Variants in USP6 observed in about 807,000 individuals in gnomAD.
USP6 encodes the protein ubiquitin carboxyl-terminal hydrolase 6.
A neutral mutation model predicts 175.7 loss-of-function variants in USP6; 128 were observed. The ratio of observed to expected loss-of-function variants is 0.73; its 90% CI spans 0.63 to 0.84. USP6 has a LOEUF of 0.84. Among genes scored for constraint, USP6 ranks in the 40% least tolerant of loss-of-function variants. The pLI is 0.00. For synonymous variants in USP6, 562 were observed against 630.6 expected (o/e 0.89, Z 1.63); for missense variants, 1,498 against 1,760.3 (o/e 0.85, Z 2.67).
chr17:5,168,721 T>G, intron 34 of USP6, 46 bp from the exon 35 acceptor site: 1 of 1,502,338 alleles, frequency 6.7e-7, no homozygotes, highest in Non-Finnish European at 8.9e-7. Context: ...AAATTTTGTA[T>G]CTTCAGAACC....
rs1267271434 is a variant in USP6, at chr17:5,141,483, A to T, written c.1557A>T (p.Lys519Asn). ...EEMSFTANSS[K>N]IDRQKVPTEK... ...TGTCTTTTACAGCAAATAGTAGTAA[A>T]ATAGATAGACAAAAGGGTAAGTCTC... Residue 519 changes from lysine (K) to asparagine (N), a missense_variant, in exon 23 of 38, where the codon AAA becomes AAT. Around this residue, in one of 2 missense-constraint regions of USP6, gnomAD observed 1,217 missense variants for 1,500.8 expected, o/e 0.81. Coordinates refer to ENST00000574788, the MANE Select transcript of USP6 (RefSeq NM_001304284.2). The T allele has an allele frequency of 6.2e-7, 1 of 1,605,322 alleles. No homozygotes were observed. Among genetic ancestry groups the T allele is most frequent in the African/African-American group, 1.3e-5 (1 of 74,558 alleles).
chr17:5,137,681 G>A lies in USP6; in HGVS notation c.856G>A (p.Asp286Asn). The A allele has an allele frequency of 6.2e-7, 1 of 1,607,972 alleles. No homozygotes were observed. The highest frequency in any genetic ancestry group is 8.5e-7 in the Non-Finnish European group (1 of 1,175,864). ...ISLGLTLRLW[D>N]VYLVEGEQVL... ...TCTCGGGCTCACCCTGCGCCTGTGG[G>A]ACGTGTATTTGGTGGAAGGAGAACA... The change falls in exon 20 of 38, where the codon GAC becomes AAC. Residue 286 changes from aspartate to asparagine, a missense_variant. This residue lies in a region of USP6 where 1,217 missense variants were observed against 1,500.8 expected (regional missense o/e 0.81). Coordinates refer to ENST00000574788, the MANE Select transcript of USP6 (RefSeq NM_001304284.2).
At chr17:5,141,147 T>C (rs1462710858) in intron 22 of USP6, among the ~76,000 whole-genome samples, 1 of 152,174 alleles carries the variant, frequency 6.6e-6, no homozygotes, top group Non-Finnish European at 1.5e-5. Context: ...TACAGTAACA[T>C]ACTGTACAGG....
rs1333987171 is a variant in USP6 at position 5,148,603 on chromosome 17, A to G, written c.2479A>G (p.Asn827Asp). The change falls in exon 30 of 38, where the codon AAT (asparagine) becomes GAT (aspartate). Residue 827 changes from asparagine to aspartate, a missense_variant. Around this residue, in one of 2 missense-constraint regions of USP6, gnomAD observed 1,217 missense variants for 1,500.8 expected, o/e 0.81. Coordinates refer to ENST00000574788, the MANE Select transcript of USP6 (RefSeq NM_001304284.2). ...AAATGGAATGTTCACCCTAACTACC[A>G]ATGGGGACCTACCCAAACCAATATT... ...STNGMFTLTT[N>D]GDLPKPIFIP... The G allele has an allele frequency of 1.2e-6, 2 of 1,613,958 alleles. No individual in the cohort carries two copies. The highest frequency in any genetic ancestry group is 1.7e-6 in the Non-Finnish European group (2 of 1,179,856).
At chr17:5,122,830 C>T (rs1339451074) in intron 4 of USP6, 1 of 152,330 alleles carries the variant, frequency 6.6e-6, no homozygotes, top group Non-Finnish European at 1.5e-5. Context: ...GCGCACTGAG[C>T]TCTTAGAGGT....
chr17:5,135,137 T>A lies in USP6; in HGVS notation c.495-97T>A. On this transcript the variant is annotated intron_variant, in intron 15 of 37. Transcript: ENST00000574788. Reference sequence around the variant, plus strand: ...AGCTCACTGCTTATCTGGTGAATCATCTGAACCTGAAATGGGATTTGTTAG... The same window carrying A: ...AGCTCACTGCTTATCTGGTGAATCAACTGAACCTGAAATGGGATTTGTTAG... The A allele has an allele frequency of 2.2e-6, 3 of 1,385,012 alleles. No individual in the cohort carries two copies. The South Asian group carries it at 3.5e-5, about 16-fold the overall frequency. The allele number at this position is 1,385,012 out of a possible 1,614,324, so 85.8% of individuals were successfully genotyped here. A position where few individuals can be genotyped will look rare whatever the true frequency, so the allele number is the denominator to read the frequency against.
At chr17:5,148,112 C>T (rs993316086) in intron 29 of USP6, among the ~76,000 whole-genome samples, 1 of 152,142 alleles carries the variant, frequency 6.6e-6, no homozygotes, top group Non-Finnish European at 1.5e-5. Context: ...CTCCTGGGCT[C>T]AAGGGTTCTG....
At chr17:5,128,155 T>G (rs2072949721) in intron 7 of USP6, among the ~76,000 whole-genome samples, 1 of 152,188 alleles carries the variant, frequency 6.6e-6, no homozygotes, top group Non-Finnish European at 1.5e-5. Context: ...GATGTTCATT[T>G]TATCCCAAGC....
chr17:5,162,428 A>T (rs1246924513), intron 32 of USP6, among the ~76,000 whole-genome samples: 1 of 152,130 alleles, frequency 6.6e-6, no homozygotes, highest in Non-Finnish European at 1.5e-5. Flanking sequence ...GATTACAGGC[A>T]TGAGACACCA....
chr17:5,141,532 A>AT (rs914638888), intron 23 of USP6, 33 bp downstream of exon 23: 19 of 1,521,794 alleles, frequency 1.2e-5, no homozygotes, highest in East Asian at 7.1e-5. Context: ...TAAAGAGATT[A>AT]TTTTAAATGT....
chr17:5,166,379 C>T (rs777940058), intron 33 of USP6, among the ~76,000 whole-genome samples: 1 of 152,154 alleles, frequency 6.6e-6, no homozygotes, highest in Non-Finnish European at 1.5e-5. Context: ...TTGACAGCCT[C>T]GTGACTCTCA....
chr17:5,142,300 A>G, intron 24 of USP6, 97 bp from the exon 25 acceptor site: 1 of 1,544,838 alleles, frequency 6.5e-7, no homozygotes, highest in Non-Finnish European at 8.7e-7. Flanking sequence ...TGTTTCAAAA[A>G]GAAAAGATAT....
chr17:5,116,971 A>C (rs893806311), intron 1 of USP6, among the ~76,000 whole-genome samples: 1 of 152,354 alleles, frequency 6.6e-6, no homozygotes, highest in Admixed American at 6.5e-5. Flanking sequence ...CGGTGCCTAC[A>C]TTCTTGGGGA....
intron 6 of USP6, chr17:5,127,138 C>G (rs1437501094): frequency 6.6e-6 from 1 of 152,420 alleles, no homozygotes; most frequent in Non-Finnish European, 1.5e-5. Flanking sequence ...CCGTCCCACC[C>G]CTGCCCCTCA....
Position 5,134,016 on chromosome 17 carries a change from A to G in USP6, c.494+20A>G. The G allele has an allele frequency of 6.2e-7, 1 of 1,609,760 alleles. No homozygotes were observed. Among genetic ancestry groups the G allele is most frequent in the Non-Finnish European group, 8.5e-7 (1 of 1,176,174 alleles). ...AGCCAAGTAAGCCTACGGGAGCCAC[A>G]CAGTCCCAGCAGAGATGGGGTGAAC... is the stretch of plus-strand genomic sequence containing the variant. On this transcript the variant is annotated intron_variant, in intron 15 of 37. Coordinates refer to ENST00000574788, the MANE Select transcript of USP6 (RefSeq NM_001304284.2).
Position 5,132,083 on chromosome 17 carries a change from C to G in USP6, c.156-313C>G. On this transcript the variant is annotated intron_variant, in intron 11 of 37. Coordinates refer to ENST00000574788, the MANE Select transcript of USP6 (RefSeq NM_001304284.2). This position sits in a 1 kb window ranked among gnomAD's most constrained non-coding sequence, Gnocchi z 4.7. ...GCCCCCATCCCATCTCAGGGCTAAC[C>G]TTTCTCAGCTCCAGCAGAAAGCACC... 1 of 999,820 alleles carries G rather than the reference C, an allele frequency of 1.0e-6. No homozygotes were observed. The highest frequency in any genetic ancestry group is 1.4e-6 in the Non-Finnish European group (1 of 727,088). The allele number at this position is 999,820 out of a possible 1,614,324, so 61.9% of individuals were successfully genotyped here. A position where few individuals can be genotyped will look rare whatever the true frequency, so the allele number is the denominator to read the frequency against.
intron 36 of USP6, among the ~76,000 whole-genome samples, chr17:5,171,167 C>T (rs546694913): frequency 1.1e-4 from 17 of 151,992 alleles, no homozygotes; most frequent in South Asian, 4.2e-4. Flanking sequence ...GCTTGGGCCC[C>T]GTCTCTACAA....
intron 35 of USP6, among the ~76,000 whole-genome samples, chr17:5,169,631 G>C (rs2074170710): frequency 6.6e-6 from 1 of 152,038 alleles, no homozygotes; most frequent in African/African-American, 2.4e-5. Context: ...TTGTAGAGAT[G>C]GTGCTTCGCC....
Position 5,133,997 on chromosome 17 carries a change from G to C in USP6, c.494+1G>C, listed in dbSNP as rs760792455. The stretch of plus-strand genomic sequence containing the variant: ...TCTTTAGGGATCGATATGGAGCCAA[G>C]TAAGCCTACGGGAGCCACACAGTCC... On this transcript the variant is annotated splice_donor_variant, in intron 15 of 37. Transcript: ENST00000574788. LOFTEE classifies it high-confidence loss of function. 6.2e-7 allele frequency: 1 copy of C among 1,613,890 alleles called. No individual in the cohort carries two copies.
Sources: gnomAD v4.1 joint callset for allele counts (sites outside exome capture counted in the v4.1 genomes callset) on GRCh38, gnomAD v4.1.1 for gene constraint, gnomAD v4.1.1 regional missense constraint, Gnocchi (gnomAD v3.1) non-coding constraint, MANE v1.5 for transcripts, NCBI Gene and HGNC (gene_info 2026-07-23, HGNC 2026-07-21) for gene names.